Variants in NFAT5 observed in about 807,000 individuals in gnomAD.
NFAT5 encodes the protein nuclear factor of activated T-cells 5.
A neutral mutation model predicts 166.5 loss-of-function variants in NFAT5; 31 were observed. The ratio of observed to expected loss-of-function variants is 0.19; its 90% confidence interval spans 0.14 to 0.25. NFAT5 has a LOEUF of 0.25. Among genes scored for constraint, NFAT5 ranks in the 10% least tolerant of loss-of-function variants. NFAT5 has a pLI of 1.00. For missense variants in NFAT5, 1,449 were observed against 1,821.8 expected, an observed-to-expected ratio of 0.80 and a Z score of 3.72; for synonymous variants, 612 against 639.7, an observed-to-expected ratio of 0.96 and a Z score of 0.65.
At chr16:69,608,455 G>A (rs1282995101) in intron 2 of NFAT5, among the ~76,000 whole-genome samples, 1 of 150,792 alleles carries the variant, frequency 6.6e-6, no homozygotes, top group African/African-American at 2.4e-5. Flanking sequence ...AACTTAAGAA[G>A]CTTAAGAAGA....
intron 2 of NFAT5, among the ~76,000 whole-genome samples, chr16:69,608,247 C>T (rs771514725): frequency 5.3e-5 from 8 of 152,092 alleles, no homozygotes; most frequent in Non-Finnish European, 1.2e-4. Context: ...CTCAACTCCT[C>T]GAGAGAGGCT....
chr16:69,566,015 G>A lies in NFAT5; in HGVS notation c.-287G>A. On this transcript the variant is annotated 5_prime_UTR_variant, in exon 1 of 15. Transcript: ENST00000349945. The surrounding 1 kb of genome is among the most constrained non-coding windows in gnomAD (Gnocchi z 5.7). ...GTGGCGGCGACCGTCAGTTTTCGCT[G>A]AGGAGAAACACGAAACGGACCCTTT... 1 of 384,050 alleles carries A rather than the reference G, an allele frequency of 2.6e-6. No individual in the cohort carries two copies. Among genetic ancestry groups the A allele is most frequent in the East Asian group, 5.8e-5 (1 of 17,216 alleles). 23.8% of individuals were successfully genotyped at this position (384,050 alleles called of 1,614,324 possible).
At chr16:69,581,486 T>C (rs2031689525) in intron 2 of NFAT5, among the ~76,000 whole-genome samples, 1 of 152,202 alleles carries the variant, frequency 6.6e-6, no homozygotes, top group Non-Finnish European at 1.5e-5. Context: ...GGTCATATGG[T>C]AACTCTATAT....
intron 7 of NFAT5, among the ~76,000 whole-genome samples, chr16:69,664,795 A>G (rs1264619495): frequency 6.6e-6 from 1 of 152,140 alleles, no homozygotes; most frequent in African/African-American, 2.4e-5. Context: ...TGGGAGGCCA[A>G]GGTGGGCCCA....
chr16:69,702,543 G>A lies in NFAT5; in HGVS notation c.*6192G>A, dbSNP rs1021614534. ...TGCAACCAGTGGTTCTCAGAGTATGGTTCTCAGCCCACCAGCTAGTATCAG... is the reference window on the plus strand; with the variant it reads ...TGCAACCAGTGGTTCTCAGAGTATGATTCTCAGCCCACCAGCTAGTATCAG... On this transcript the variant is annotated 3_prime_UTR_variant, in exon 15 of 15. Transcript: ENST00000349945. 4 of 152,136 alleles carry A rather than the reference G, an allele frequency of 2.6e-5. No homozygotes were observed. The highest frequency in any genetic ancestry group is 5.9e-5 in the Non-Finnish European group (4 of 68,018). The allele number at this position is 152,136 out of a possible 1,614,324, so 9.4% of individuals were successfully genotyped here.
intron 11 of NFAT5, 134 bp from the exon 12 acceptor site, chr16:69,690,806 G>C (rs531397629): frequency 1.5e-6 from 1 of 651,230 alleles, no homozygotes; most frequent in Non-Finnish European, 2.4e-6. Context: ...AATATACCAG[G>C]TTTGTATCTC....
At position 69,699,852 on chromosome 16, in the gene NFAT5, A is replaced by ATGTGTGTG; in HGVS notation, c.*3517_*3524dup. 1 of 141,468 alleles carries ATGTGTGTG rather than the reference A, an allele frequency of 7.1e-6. No homozygotes were observed. The highest frequency in any genetic ancestry group is 1.6e-5 in the Non-Finnish European group (1 of 63,620). The allele number at this position is 141,468 out of a possible 1,614,324, so 8.8% of individuals were successfully genotyped here. On this transcript the variant is annotated 3_prime_UTR_variant, in exon 15 of 15. Coordinates refer to ENST00000349945, the MANE Select transcript of NFAT5 (RefSeq NM_138713.4). The stretch of plus-strand genomic sequence containing the variant: ...TCTCTCTCTCTGTGTGTGTGTGTGT[A>ATGTGTGTG]TGTGTGTGTGTGTGTGTGTGTGTTT...
intron 2 of NFAT5, among the ~76,000 whole-genome samples, chr16:69,616,718 C>G (rs1221833363): frequency 6.6e-6 from 1 of 151,924 alleles, no homozygotes; most frequent in Non-Finnish European, 1.5e-5. Context: ...ACTAGGCTGT[C>G]CTATATAGAT....
intron 11 of NFAT5, among the ~76,000 whole-genome samples, chr16:69,687,330 A>G (rs962286823): frequency 1.3e-5 from 2 of 149,822 alleles, no homozygotes; most frequent in Admixed American, 6.7e-5. Flanking sequence ...AATCCTAGCT[A>G]GTTGGGAGGC....
chr16:69,582,244 A>G (rs974003449), intron 2 of NFAT5, among the ~76,000 whole-genome samples: 18 of 152,200 alleles, frequency 1.2e-4, no homozygotes, highest in Non-Finnish European at 2.1e-4. Flanking sequence ...CAGCCTGAGC[A>G]ACAGAGTGAG....
rs1228552668 is a variant in NFAT5 at position 69,647,675 on chromosome 16, C to T, written c.812+89C>T. ...CCCAATTTTTCCTAATTGCTGAGCTCAAGTTTGCATATAAAGCAACAGTGC... is the reference window on the plus strand; with the variant it reads ...CCCAATTTTTCCTAATTGCTGAGCTTAAGTTTGCATATAAAGCAACAGTGC... On this transcript the variant is annotated intron_variant, in intron 4 of 14. Coordinates refer to ENST00000349945, the MANE Select transcript of NFAT5 (RefSeq NM_138713.4). The surrounding 1 kb of genome is among the most constrained non-coding windows in gnomAD (Gnocchi z 4.8). 1 of 1,225,612 alleles carries T rather than the reference C, an allele frequency of 8.2e-7. No individual in the cohort carries two copies. Among genetic ancestry groups the T allele is most frequent in the East Asian group, 2.4e-5 (1 of 41,932 alleles). 75.9% of individuals were successfully genotyped at this position (1,225,612 alleles called of 1,614,324 possible). A position where few individuals can be genotyped will look rare whatever the true frequency, so the allele number is the denominator to read the frequency against.
Position 69,693,917 on chromosome 16 carries a change from A to G in NFAT5, c.4092A>G (p.Ser1364=), listed in dbSNP as rs752567621. 6 of 1,614,228 alleles carry G rather than the reference A, an allele frequency of 3.7e-6. No individual in the cohort carries two copies. The highest frequency in any genetic ancestry group is 5.1e-6 in the Non-Finnish European group (6 of 1,180,042). The part of the protein sequence containing the change: ...LQNPGPTQSE[S]SQTPLFHSSP... The stretch of plus-strand genomic sequence containing the variant: ...ACCCAGGTCCTACCCAGTCGGAATC[A>G]TCACAGACCCCCTTGTTCCATAGCT... Residue 1364 remains serine (S), a synonymous_variant, in exon 13 of 15, where the codon TCA becomes TCG. Coordinates refer to ENST00000349945, the MANE Select transcript of NFAT5 (RefSeq NM_138713.4).
At chr16:69,604,555 T>C (rs1183829648) in intron 2 of NFAT5, among the ~76,000 whole-genome samples, 1 of 152,206 alleles carries the variant, frequency 6.6e-6, no homozygotes, top group African/African-American at 2.4e-5. Flanking sequence ...TTCCTCTCTT[T>C]GTGTCCATGA....
intron 2 of NFAT5, among the ~76,000 whole-genome samples, chr16:69,606,717 G>A (rs1309362416): frequency 5.9e-5 from 9 of 152,262 alleles, no homozygotes; most frequent in East Asian, 1.9e-4. Context: ...TTAGCTGGGC[G>A]TGGTGGTACG....
chr16:69,639,895 T>C (rs2035128776), intron 3 of NFAT5, among the ~76,000 whole-genome samples: 1 of 152,184 alleles, frequency 6.6e-6, no homozygotes, highest in Admixed American at 6.5e-5. Context: ...AAAAATTTTG[T>C]CTAAGAAATT....
At chr16:69,589,995 C>G (rs1239767220) in intron 2 of NFAT5, among the ~76,000 whole-genome samples, 2 of 151,874 alleles carry the variant, frequency 1.3e-5, no homozygotes, top group Non-Finnish European at 2.9e-5. Context: ...ACCCCCCTCC[C>G]CAACTGTCTC....
At chr16:69,599,020 CAAA>C (rs1216510761) in intron 2 of NFAT5, among the ~76,000 whole-genome samples, 1 of 52,624 alleles carries the variant, frequency 1.9e-5, no homozygotes. Flanking sequence ...GACTCTGTCT[CAAA>C]AAAAAAAAAA....
intron 2 of NFAT5, among the ~76,000 whole-genome samples, chr16:69,576,960 C>G (rs778527056): frequency 6.6e-6 from 1 of 152,126 alleles, no homozygotes; most frequent in Non-Finnish European, 1.5e-5. Context: ...TGCCATTGTT[C>G]CCTATTTCTG....
chr16:69,597,859 C>T (rs2032892601), intron 2 of NFAT5, among the ~76,000 whole-genome samples: 1 of 152,110 alleles, frequency 6.6e-6, no homozygotes, highest in Non-Finnish European at 1.5e-5. Context: ...TCCCAAAGTG[C>T]TGGGATTACA....
Sources: allele counts gnomAD v4.1 joint callset (sites outside exome capture counted in the v4.1 genomes callset), GRCh38; gene constraint gnomAD v4.1.1; non-coding constraint Gnocchi (gnomAD v3.1); transcripts MANE v1.5; gene names NCBI Gene and HGNC (gene_info 2026-07-23, HGNC 2026-07-21).